Variants in MYOM3 observed in about 807,000 individuals in gnomAD.
MYOM3 encodes the protein myomesin 3.
MYOM3 carries 155 observed loss-of-function variants against 191.7 expected under a neutral mutation model. The observed-to-expected ratio is 0.81, with a 90% confidence interval of 0.71 to 0.92. The LOEUF is 0.92. MYOM3 is among the 40% of genes least tolerant of loss of function. The pLI is 0.00. For missense variants in MYOM3, 1,889 were observed against 1,890.6 expected, an observed-to-expected ratio of 1.00 and a Z score of 0.02; for synonymous variants, 757 against 762.9, an observed-to-expected ratio of 0.99 and a Z score of 0.13.
rs1361166121 is a variant in MYOM3 at position 24,074,243 on chromosome 1, C to G, written c.2885G>C (p.Gly962Ala). 2 of 1,614,042 alleles carry G rather than the reference C, an allele frequency of 1.2e-6. No individual in the cohort carries two copies. The highest frequency in any genetic ancestry group is 1.7e-6 in the Non-Finnish European group (2 of 1,179,972). Residue 962 changes from glycine to alanine, a missense_variant, in exon 23 of 37, where the codon GGC (glycine) becomes GCC (alanine). Transcript: ENST00000374434. ...TGAGTAGGTGCCCAAATCCTCGAGG[C>G]CGGGTTCTTTCAGGATGACCTTGGA... ...NKSKVILKEP[G>A]LEDLGTYSVI...
intron 20 of MYOM3, among the ~76,000 whole-genome samples, chr1:24,078,262 G>A (rs867889708): frequency 1.3e-5 from 2 of 151,912 alleles, no homozygotes; most frequent in African/African-American, 2.4e-5. Flanking sequence ...TTACAGGCAC[G>A]CGCCACCACA....
intron 27 of MYOM3, 112 bp from the exon 28 acceptor site, chr1:24,067,200 A>G: frequency 9.8e-7 from 1 of 1,023,156 alleles, no homozygotes; most frequent in Non-Finnish European, 1.4e-6. Context: ...TGGACTTCTC[A>G]GATGCTGCCT....
In MYOM3 at chr1:24,107,171, C is replaced by G; in HGVS notation, c.304G>C (p.Val102Leu). 1.2e-6 allele frequency: 2 copies of G among 1,610,972 alleles called. No homozygotes were observed. Among genetic ancestry groups the G allele is most frequent in the South Asian group, 1.1e-5 (1 of 90,042 alleles). Residue 102 changes from valine to leucine, a missense_variant, in exon 4 of 37, where the codon GTG becomes CTG. Coordinates refer to ENST00000374434, the MANE Select transcript of MYOM3 (RefSeq NM_152372.4). ...VELEERGQKRVGFGNDWERTE... is the reference protein window; with the variant it reads ...VELEERGQKRLGFGNDWERTE... ...CTCTCCCAGTCATTGCCGAAGCCCACCCGCTTCTGCCCTCGCTCCTCCAGC... is the reference window on the plus strand; with the variant it reads ...CTCTCCCAGTCATTGCCGAAGCCCAGCCGCTTCTGCCCTCGCTCCTCCAGC...
rs760728342 is a variant in MYOM3, at chr1:24,093,085, G to A, written c.952C>T (p.Arg318Cys). The A allele has an allele frequency of 2.4e-5, 38 of 1,610,702 alleles. No individual in the cohort carries two copies. The East Asian group carries it at 3.1e-4, about 13-fold the overall frequency. ...RDGSLLRSSR[R>C]RKILYTDRQA... ...CGGTCTGTGTAGAGGATCTTCCGAC[G>A]TCTCGAGGACCTCAGTAGGCTCCCT... Residue 318 changes from arginine to cysteine, a missense_variant, in exon 10 of 37, where the codon CGT becomes TGT. Transcript: ENST00000374434.
Position 24,059,291 on chromosome 1 carries a change from C to T in MYOM3, c.3995-312G>A, listed in dbSNP as rs41303889. On this transcript the variant is annotated intron_variant, in intron 35 of 36. Coordinates refer to ENST00000374434, the MANE Select transcript of MYOM3 (RefSeq NM_152372.4). ...CTGGGACTATAGGCATGCATCAGCC[C>T]GCCTAGCTAATTTTTGTATGTTTTG... 4.5e-3 allele frequency among the ~76,000 whole-genome samples: 692 copies of T among 152,260 alleles called. 5 individuals are homozygous for T. Among genetic ancestry groups the T allele is most frequent in the Non-Finnish European group, 5.9e-3 (404 of 68,030 alleles).
rs1445980072 is a variant in MYOM3 at position 24,057,413 on chromosome 1, A to G, written c.4265T>C (p.Ile1422Thr). The G allele has an allele frequency of 3.7e-6, 6 of 1,614,002 alleles. No individual in the cohort carries two copies. Among genetic ancestry groups the G allele is most frequent in the Non-Finnish European group, 5.1e-6 (6 of 1,180,012 alleles). Residue 1422 changes from isoleucine to threonine, a missense_variant, in exon 37 of 37, where the codon ATC becomes ACC. By Grantham distance (89) the Ile-to-Thr change is moderately conservative (BLOSUM62 -1). Transcript: ENST00000374434. Reference sequence around the variant, plus strand: ...CTCGTCCCCGTGCTTGAACACACTGATGGTGACCTGGCCCGTCTCGGAGCC... The same window carrying G: ...CTCGTCCCCGTGCTTGAACACACTGGTGGTGACCTGGCCCGTCTCGGAGCC... Reference protein sequence around the residue: ...KYGSETGQVTISVFKHGDEPK... With the variant: ...KYGSETGQVTTSVFKHGDEPK...
At chr1:24,103,093 C>T (rs1187553940) in intron 5 of MYOM3, among the ~76,000 whole-genome samples, 1 of 152,226 alleles carries the variant, frequency 6.6e-6, no homozygotes, top group African/African-American at 2.4e-5. Context: ...TGCTCAGCTC[C>T]CTGTTGTGGC....
At chr1:24,085,713 T>G (rs1032233885) in intron 15 of MYOM3, among the ~76,000 whole-genome samples, 3 of 152,216 alleles carry the variant, frequency 2.0e-5, no homozygotes, top group Non-Finnish European at 4.4e-5. Context: ...GTCCAGAGAC[T>G]GCCCACATCT....
chr1:24,094,869 G>A lies in MYOM3; in HGVS notation c.912C>T (p.Ile304=), dbSNP rs1205672785. 1.1e-5 allele frequency: 18 copies of A among 1,613,402 alleles called. No individual in the cohort carries two copies. The highest frequency in any genetic ancestry group is 1.0e-4 in the Admixed American group (6 of 59,958). ...GGTCCTTACCATCTCGGAACCACTG[G>A]ATGCTCTCAGCATCTAACACATCTT... ...FSEDVLDAES[I]QWFRDGSLLR... is the part of the protein sequence containing the mutation. The change falls in exon 9 of 37, where the codon ATC becomes ATT. Residue 304 remains isoleucine (I), a synonymous_variant. Transcript: ENST00000374434.
In MYOM3 at chr1:24,068,251, G is replaced by T. The variant is rs1643478279; in HGVS notation, c.3267C>A (p.Asn1089Lys). The T allele has an allele frequency of 2.5e-6, 4 of 1,614,200 alleles. No homozygotes were observed. The highest frequency in any genetic ancestry group is 3.4e-6 in the Non-Finnish European group (4 of 1,180,030). Reference protein sequence around the residue: ...TAQLQDGKAKNQITLTLVDDD... With the variant: ...TAQLQDGKAKKQITLTLVDDD... ...CATCCACCAGTGTCAAGGTAATCTG[G>T]TTTTTGGCTTTTCCATCTTGGAGTT... is the stretch of plus-strand genomic sequence containing the variant. Residue 1089 changes from asparagine (N) to lysine (K), a missense_variant, in exon 26 of 37, where the codon AAC (asparagine) becomes AAA (lysine). Coordinates refer to ENST00000374434, the MANE Select transcript of MYOM3 (RefSeq NM_152372.4).
intron 36 of MYOM3, among the ~76,000 whole-genome samples, chr1:24,057,875 C>T (rs1186214823): frequency 9.9e-5 from 15 of 152,132 alleles, no homozygotes; most frequent in Non-Finnish European, 2.9e-5. Context: ...GGCATGATCT[C>T]GGCTCACTGC....
intron 11 of MYOM3, 134 bp from the exon 12 acceptor site, chr1:24,091,130 A>G: frequency 9.5e-7 from 1 of 1,053,150 alleles, no homozygotes; most frequent in Admixed American, 2.7e-5. Context: ...TCTTCTCTCC[A>G]ATGGAAGAGC....
intron 15 of MYOM3, 98 bp from the exon 16 acceptor site, chr1:24,084,737 C>T (rs975466539): frequency 2.7e-6 from 3 of 1,122,334 alleles, no homozygotes; most frequent in African/African-American, 3.1e-5. Flanking sequence ...AGAAGGAGCT[C>T]CCACAGCAAT....
intron 25 of MYOM3, among the ~76,000 whole-genome samples, chr1:24,068,926 G>A (rs939802637): frequency 1.3e-5 from 2 of 152,104 alleles, no homozygotes; most frequent in Non-Finnish European, 2.9e-5. Flanking sequence ...GTTTCACCAT[G>A]TTGGCCAGGC....
At position 24,063,069 on chromosome 1, in the gene MYOM3, G is replaced by A. The variant is rs1643391316; in HGVS notation, c.3770+57C>T. ...GGGAGAAGGGAGGGAGGCCCCCATG[G>A]GTCAGGTGCTGAATCCTTTCCAGCC... On this transcript the variant is annotated intron_variant, in intron 32 of 36. Coordinates refer to ENST00000374434, the MANE Select transcript of MYOM3 (RefSeq NM_152372.4). The surrounding 1 kb of genome is among the most constrained non-coding windows in gnomAD (Gnocchi z 4.5). The A allele has an allele frequency of 2.5e-6, 3 of 1,193,194 alleles. No individual in the cohort carries two copies. In the African/African-American group the frequency reaches 4.5e-5, roughly 18 times the overall value. The allele number at this position is 1,193,194 out of a possible 1,614,324, so 73.9% of individuals were successfully genotyped here.
intron 13 of MYOM3, 31 bp from the exon 14 acceptor site, chr1:24,089,696 GT>G: frequency 6.5e-7 from 1 of 1,549,868 alleles, no homozygotes; most frequent in Non-Finnish European, 8.7e-7. Context: ...GACCGAGATG[GT>G]TGGACCCTCA....
At chr1:24,107,412 C>T (rs1643993404) in intron 3 of MYOM3, among the ~76,000 whole-genome samples, 180 bp from the exon 4 acceptor site, 2 of 152,378 alleles carry the variant, frequency 1.3e-5, no homozygotes, top group South Asian at 2.1e-4. Context: ...TGCAGTCAGT[C>T]CTTAATAGTT....
At chr1:24,078,771 C>T (rs1404935727) in intron 20 of MYOM3, among the ~76,000 whole-genome samples, 1 of 152,090 alleles carries the variant, frequency 6.6e-6, no homozygotes, top group Admixed American at 6.6e-5. Flanking sequence ...TGAAAGTGGC[C>T]TTCAGTCACC....
At chr1:24,088,578 TC>T (rs1643774858) in intron 14 of MYOM3, among the ~76,000 whole-genome samples, 1 of 152,184 alleles carries the variant, frequency 6.6e-6, no homozygotes. Flanking sequence ...TCCTCAATTA[TC>T]TACAGCTTTC....
Sources: allele counts gnomAD v4.1 joint callset (sites outside exome capture counted in the v4.1 genomes callset), GRCh38; gene constraint gnomAD v4.1.1; non-coding constraint Gnocchi (gnomAD v3.1); transcripts MANE v1.5; gene names NCBI Gene and HGNC (gene_info 2026-07-23, HGNC 2026-07-21).